GCFC2: variants seen among roughly 807,000 people sequenced by gnomAD.
The protein encoded by GCFC2 is intron Large complex component GCFC2.
Under a neutral mutation model 99.4 loss-of-function variants are expected in GCFC2, and 102 were observed. The ratio of observed to expected loss-of-function variants is 1.03; its 90% CI spans 0.87 to 1.21. GCFC2 has a LOEUF of 1.21. Ranked by LOEUF, GCFC2 falls within the 50% of genes most tolerant of loss-of-function variation. The pLI, the probability that GCFC2 is intolerant of heterozygous loss-of-function variation, is 0.00. For missense variants in GCFC2, 973 were observed against 920.9 expected (o/e 1.06, Z -0.73); for synonymous variants, 338 against 316.8 (o/e 1.07, Z -0.71).
chr2:75,668,374 A>T (rs934782152), intron 15 of GCFC2, among the ~76,000 whole-genome samples: 1 of 149,714 alleles, frequency 6.7e-6, no homozygotes, highest in Non-Finnish European at 1.5e-5. Flanking sequence ...CAAAACAAAA[A>T]ACCAAATTGT....
chr2:75,693,781 CAA>C (rs1680189288), intron 6 of GCFC2, among the ~76,000 whole-genome samples: 1 of 151,696 alleles, frequency 6.6e-6, no homozygotes, highest in Non-Finnish European at 1.5e-5. Flanking sequence ...GATAAAAGGG[CAA>C]AGACAAGAAA....
chr2:75,693,800 A>G (rs1032092106), intron 6 of GCFC2, among the ~76,000 whole-genome samples: 4 of 152,102 alleles, frequency 2.6e-5, no homozygotes, highest in African/African-American at 7.2e-5. Context: ...GAAACAAATA[A>G]TTCACAAGCA....
chr2:75,702,425 T>C lies in GCFC2; in HGVS notation c.395-2A>G, dbSNP rs1291667385. On this transcript the variant is annotated splice_acceptor_variant, in intron 2 of 16. Transcript: ENST00000321027. LOFTEE classifies it high-confidence loss of function. ...TAAAAGCTGCATCTGGGATCTTAAC[T>C]GAAGGAAACAAAGACGAGGACACTA... The C allele has an allele frequency of 6.2e-7, 1 of 1,610,490 alleles. No individual in the cohort carries two copies. The highest frequency in any genetic ancestry group is 8.5e-7 in the Non-Finnish European group (1 of 1,177,728).
chr2:75,663,281 GAAC>G lies in GCFC2; in HGVS notation c.*1382_*1384del, dbSNP rs1160497514. ...ATTCAATTTTTTCCAATTATCTTTTGAACAACAATTTGCAAAATATATTTACAG... is the reference window on the plus strand; with the variant it reads ...ATTCAATTTTTTCCAATTATCTTTTGAACAATTTGCAAAATATATTTACAG... On this transcript the variant is annotated 3_prime_UTR_variant, in exon 17 of 17. Coordinates refer to ENST00000321027, the MANE Select transcript of GCFC2 (RefSeq NM_003203.5). 2 of 151,874 alleles carry G rather than the reference GAAC, an allele frequency of 1.3e-5. No individual in the cohort carries two copies. Among genetic ancestry groups the G allele is most frequent in the Non-Finnish European group, 2.9e-5 (2 of 67,948 alleles). 9.4% of individuals were successfully genotyped at this position (151,874 alleles called of 1,614,324 possible). A position where few individuals can be genotyped will look rare whatever the true frequency, so the allele number is the denominator to read the frequency against.
At chr2:75,668,091 C>T (rs555934911) in intron 15 of GCFC2, among the ~76,000 whole-genome samples, 7 of 152,188 alleles carry the variant, frequency 4.6e-5, no homozygotes, top group South Asian at 2.1e-4. Context: ...AACTGGAATG[C>T]GAAAACAAAC....
At chr2:75,672,965 T>A (rs1012588011) in intron 13 of GCFC2, among the ~76,000 whole-genome samples, 5 of 152,228 alleles carry the variant, frequency 3.3e-5, no homozygotes, top group African/African-American at 1.2e-4. Flanking sequence ...GAGAAATATT[T>A]GTTGAAATCT....
At chr2:75,699,612 T>A (rs1680485930) in intron 4 of GCFC2, among the ~76,000 whole-genome samples, 1 of 152,244 alleles carries the variant, frequency 6.6e-6, no homozygotes, top group African/African-American at 2.4e-5. Context: ...GGTCTCACTC[T>A]GTTGCCCAGA....
At chr2:75,684,840 A>G (rs1339547379) in intron 11 of GCFC2, among the ~76,000 whole-genome samples, 5 of 152,234 alleles carry the variant, frequency 3.3e-5, no homozygotes, top group African/African-American at 4.8e-5. Context: ...GATTAAGAAA[A>G]TGTGGCACAT....
intron 12 of GCFC2, among the ~76,000 whole-genome samples, chr2:75,674,018 G>GT: frequency 6.6e-6 from 1 of 152,082 alleles, no homozygotes; most frequent in Admixed American, 6.5e-5. Flanking sequence ...GCATTTTCTT[G>GT]TTTTTTAATG....
At chr2:75,695,854 C>G (rs1246287026) in intron 5 of GCFC2, among the ~76,000 whole-genome samples, 1 of 152,122 alleles carries the variant, frequency 6.6e-6, no homozygotes, top group Non-Finnish European at 1.5e-5. Flanking sequence ...GATTCTCATC[C>G]TGGGCAGGAT....
intron 12 of GCFC2, 39 bp downstream of exon 12, chr2:75,680,154 G>T: frequency 1.4e-6 from 2 of 1,445,910 alleles, no homozygotes; most frequent in South Asian, 1.2e-5. Context: ...TAATGATTTA[G>T]AGATAGATCA....
At position 75,696,297 on chromosome 2, in the gene GCFC2, A is replaced by G. The variant is rs745429265; in HGVS notation, c.736T>C (p.Ser246Pro). The change falls in exon 5 of 17, where the codon TCC (serine) becomes CCC (proline). Residue 246 changes from serine to proline, a missense_variant. Ser to Pro is a moderately conservative substitution (Grantham distance 74). Coordinates refer to ENST00000321027, the MANE Select transcript of GCFC2 (RefSeq NM_003203.5). ...KIIEERDIDL[S>P]CGNGSSKVKK... is the part of the protein sequence containing the mutation. ...ACTTTTGAAGATCCATTGCCACAGG[A>G]AAGATCTATGTCTCTTTCCTAAAAA... 4.4e-6 allele frequency: 6 copies of G among 1,367,148 alleles called. No homozygotes were observed. The highest frequency in any genetic ancestry group is 3.5e-5 in the South Asian group (3 of 85,140). 84.7% of individuals were successfully genotyped at this position (1,367,148 alleles called of 1,614,324 possible).
At chr2:75,703,100 T>C (rs984089525) in intron 2 of GCFC2, among the ~76,000 whole-genome samples, 2 of 152,220 alleles carry the variant, frequency 1.3e-5, no homozygotes, top group Admixed American at 6.5e-5. Flanking sequence ...TTTTTCTTTA[T>C]TTTGTACAGC....
At chr2:75,701,391 G>A (rs559163316) in intron 3 of GCFC2, 104 bp from the exon 4 acceptor site, 26 of 649,942 alleles carry the variant, frequency 4.0e-5, no homozygotes, top group Admixed American at 1.1e-4. Flanking sequence ...ACCACTTGAC[G>A]TGTTATTTAT....
At chr2:75,667,993 A>G (rs1430383150) in intron 15 of GCFC2, among the ~76,000 whole-genome samples, 1 of 152,202 alleles carries the variant, frequency 6.6e-6, no homozygotes, top group African/African-American at 2.4e-5. Context: ...AACCAGATGA[A>G]TCAATTTCCA....
chr2:75,668,481 T>C (rs970276325), intron 15 of GCFC2, among the ~76,000 whole-genome samples: 1 of 152,216 alleles, frequency 6.6e-6, no homozygotes, highest in Non-Finnish European at 1.5e-5. Context: ...CATCTTGTTA[T>C]TGGGCTGCAA....
At chr2:75,668,343 A>AC (rs372272067) in intron 15 of GCFC2, among the ~76,000 whole-genome samples, 2 of 142,516 alleles carry the variant, frequency 1.4e-5, no homozygotes, top group African/African-American at 5.6e-5. Context: ...GCTAAAGAAA[A>AC]CAAAACAAAA....
chr2:75,673,574 C>CA (rs5832172), intron 12 of GCFC2, 54 bp from the exon 13 acceptor site: 158,423 of 736,956 alleles, frequency 0.21, 14,561 homozygotes, highest in South Asian at 0.25. Context: ...ATGTATTTAC[C>CA]AAAAAAAAAG....
At chr2:75,672,701 T>A (rs557695216) in intron 13 of GCFC2, among the ~76,000 whole-genome samples, 15 of 152,312 alleles carry the variant, frequency 9.8e-5, no homozygotes, top group Non-Finnish European at 1.8e-4. Context: ...TTGTGCTTCC[T>A]CTGTGCTAGG....
Sources: gnomAD v4.1 joint callset for allele counts (sites outside exome capture counted in the v4.1 genomes callset) on GRCh38, gnomAD v4.1.1 for gene constraint, MANE v1.5 for transcripts, NCBI Gene and HGNC (gene_info 2026-07-23, HGNC 2026-07-21) for gene names.